CBL: variants seen among roughly 807,000 people sequenced by gnomAD.
The protein encoded by CBL is E3 ubiquitin-protein ligase CBL.
CBL carries 45 observed loss-of-function variants against 96.9 expected under a neutral mutation model. The ratio of observed to expected loss-of-function variants is 0.46; its 90% CI spans 0.37 to 0.60. CBL has a LOEUF of 0.60. Among genes scored for constraint, CBL ranks in the 20% least tolerant of loss-of-function variants. The pLI, the probability that CBL is intolerant of heterozygous loss-of-function variation, is 0.00. For synonymous variants in CBL, 420 were observed against 426.8 expected, an observed-to-expected ratio of 0.98 and a Z score of 0.20; for missense variants, 1,024 against 1,143.5, an observed-to-expected ratio of 0.90 and a Z score of 1.51.
intron 6 of CBL, among the ~76,000 whole-genome samples, chr11:119,277,270 C>T (rs867299195): frequency 4.6e-5 from 7 of 151,578 alleles, no homozygotes; most frequent in Non-Finnish European, 1.0e-4. Flanking sequence ...CACACACACA[C>T]ATAAAGAATT....
Position 119,287,936 on chromosome 11 carries a change from C to A in CBL, c.2026C>A (p.Leu676Met), listed in dbSNP as rs2135312969. 6.2e-7 allele frequency: 1 copy of A among 1,611,128 alleles called. No homozygotes were observed. The highest frequency in any genetic ancestry group is 8.5e-7 in the Non-Finnish European group (1 of 1,177,194). Residue 676 changes from leucine (L) to methionine (M), a missense_variant, in exon 12 of 16, where the codon CTG (leucine) becomes ATG (methionine). Around this residue, in one of 4 missense-constraint regions of CBL, gnomAD observed 695 missense variants for 661.6 expected, o/e 1.05. Coordinates refer to ENST00000264033, the MANE Select transcript of CBL (RefSeq NM_005188.4). ...PSSSANAIYS[L>M]AARPLPVPKL... is the part of the protein sequence containing the mutation. ...CTCATCTGCCAATGCCATTTATTCT[C>A]TGGCTGCCAGGTAAGTCTGCTAAAG...
chr11:119,264,458 T>C (rs1246131818), intron 2 of CBL, among the ~76,000 whole-genome samples: 1 of 133,700 alleles, frequency 7.5e-6, no homozygotes. Context: ...TTCTCTTCTC[T>C]TCTCTTTTCT....
At chr11:119,218,281 G>A (rs1188930572) in intron 1 of CBL, among the ~76,000 whole-genome samples, 1 of 152,100 alleles carries the variant, frequency 6.6e-6, no homozygotes. Flanking sequence ...TAGAGTCACT[G>A]GGGCTCATGA....
intron 9 of CBL, among the ~76,000 whole-genome samples, chr11:119,279,490 C>T (rs1026163495): frequency 4.6e-4 from 57 of 123,390 alleles, no homozygotes; most frequent in Admixed American, 4.3e-4. Flanking sequence ...CATGCCCCCC[C>T]CTAAAAAAAA....
At chr11:119,218,552 C>T (rs1949381635) in intron 1 of CBL, among the ~76,000 whole-genome samples, 3 of 152,232 alleles carry the variant, frequency 2.0e-5, no homozygotes, top group South Asian at 2.1e-4. Flanking sequence ...TTCTGAGTAA[C>T]GAGGTGAAAT....
chr11:119,247,595 G>T (rs1203670992), intron 2 of CBL, among the ~76,000 whole-genome samples: 2 of 152,214 alleles, frequency 1.3e-5, no homozygotes, highest in African/African-American at 4.8e-5. Context: ...CGGATTGCTT[G>T]AGGTCAAGAG....
Position 119,306,540 on chromosome 11 carries a change from C to G in CBL, c.*6759C>G, listed in dbSNP as rs765250413. ...ATGCTGAGCCCTGAAGCAGGGTGTC[C>G]TGGGTGCCTGTGTGTCAGCTCCCTC... On this transcript the variant is annotated 3_prime_UTR_variant, in exon 16 of 16. Coordinates refer to ENST00000264033, the MANE Select transcript of CBL (RefSeq NM_005188.4). 5 of 395,914 alleles carry G rather than the reference C, an allele frequency of 1.3e-5. No individual in the cohort carries two copies. Among genetic ancestry groups the G allele is most frequent in the African/African-American group, 1.0e-4 (5 of 48,574 alleles). The allele number at this position is 395,914 out of a possible 1,614,324, so 24.5% of individuals were successfully genotyped here. A position where few individuals can be genotyped will look rare whatever the true frequency, so the allele number is the denominator to read the frequency against.
In CBL at chr11:119,206,491, T is replaced by A; in HGVS notation, c.74T>A (p.Leu25Gln). The A allele has an allele frequency of 6.4e-7, 1 of 1,571,232 alleles. No homozygotes were observed. Among genetic ancestry groups the A allele is most frequent in the Non-Finnish European group, 8.6e-7 (1 of 1,160,842 alleles). Residue 25 changes from leucine to glutamine, a missense_variant, in exon 1 of 16, where the codon CTG (leucine) becomes CAG (glutamine). Physicochemically the swap from Leu to Gln is moderately radical, Grantham distance 113 (BLOSUM62 -2). This residue lies in a region of CBL where 114 missense variants were observed against 117.4 expected (regional missense o/e 0.97). Transcript: ENST00000264033. Reference protein sequence around the residue: ...SGSGGSGSGGLIGLMKDAFQP... With the variant: ...SGSGGSGSGGQIGLMKDAFQP... The stretch of plus-strand genomic sequence containing the variant: ...TCCGGGGGCTCGGGTTCGGGTGGCC[T>A]GATTGGGCTCATGAAGGACGCCTTC...
intron 2 of CBL, among the ~76,000 whole-genome samples, chr11:119,257,025 G>A (rs1949717214): frequency 6.6e-6 from 1 of 152,204 alleles, no homozygotes; most frequent in Non-Finnish European, 1.5e-5. Flanking sequence ...ATTGTGCTGT[G>A]ATTAACATAT....
chr11:119,272,733 A>G (rs765048653), intron 3 of CBL, among the ~76,000 whole-genome samples: 1 of 152,248 alleles, frequency 6.6e-6, no homozygotes, highest in Non-Finnish European at 1.5e-5. Flanking sequence ...TGACCAGTCA[A>G]GATTCTTATT....
intron 2 of CBL, among the ~76,000 whole-genome samples, chr11:119,262,845 G>A (rs904839773): frequency 6.6e-6 from 1 of 152,188 alleles, no homozygotes; most frequent in African/African-American, 2.4e-5. Context: ...AGGAGGCAGT[G>A]TTTGAGAACT....
chr11:119,232,724 ATG>A, intron 2 of CBL, 29 bp downstream of exon 2: 2 of 1,608,222 alleles, frequency 1.2e-6, no homozygotes, highest in Non-Finnish European at 1.7e-6. Flanking sequence ...ACAAATAATT[ATG>A]CAGGTCTGTG....
In CBL at chr11:119,307,086, A is replaced by G. The variant is rs1441029952; in HGVS notation, c.*7305A>G. Reference sequence around the variant, plus strand: ...GTCCTTAGTGTCTAGGAGACAGGAAAGAATGCTCTCTGTGACTGGAGAGGT... The same window carrying G: ...GTCCTTAGTGTCTAGGAGACAGGAAGGAATGCTCTCTGTGACTGGAGAGGT... On this transcript the variant is annotated 3_prime_UTR_variant, in exon 16 of 16. Transcript: ENST00000264033. 1 of 231,034 alleles carries G rather than the reference A, an allele frequency of 4.3e-6. No individual in the cohort carries two copies. Among genetic ancestry groups the G allele is most frequent in the African/African-American group, 2.2e-5 (1 of 45,204 alleles). The allele number at this position is 231,034 out of a possible 1,614,324, so 14.3% of individuals were successfully genotyped here.
chr11:119,224,494 A>C (rs1949439725), intron 1 of CBL, among the ~76,000 whole-genome samples: 1 of 152,192 alleles, frequency 6.6e-6, no homozygotes, highest in Admixed American at 6.5e-5. Context: ...CTTACTGATA[A>C]CATAAAACAG....
At position 119,297,465 on chromosome 11, in the gene CBL, C is replaced by T. The variant is rs763880494; in HGVS notation, c.2235C>T (p.Thr745=). ...TTCAGTCCCAGGCGCCATCTATCAC[C>T]GAGAGCAGCACCTTTGGTAAGTTGC... ...YNIQSQAPSI[T]ESSTFGEGNL... Residue 745 remains threonine (T), a synonymous_variant, in exon 14 of 16, where the codon ACC becomes ACT. Transcript: ENST00000264033. 23 of 1,611,482 alleles carry T rather than the reference C, an allele frequency of 1.4e-5. No homozygotes were observed. The East Asian group carries it at 2.7e-4, about 19-fold the overall frequency.
chr11:119,252,885 A>AG (rs1949681179), intron 2 of CBL, among the ~76,000 whole-genome samples: 1 of 135,998 alleles, frequency 7.4e-6, no homozygotes, highest in Non-Finnish European at 1.6e-5. Flanking sequence ...CCATCTCAAG[A>AG]AAAAAAAAAA....
In CBL at chr11:119,304,478, G is replaced by A. The variant is rs1950121453; in HGVS notation, c.*4697G>A. ...GTGCCTTTGGTTCTTGGGTGGAGCT[G>A]GAACTGCAGAGCTTTGCACCTAGTC... On this transcript the variant is annotated 3_prime_UTR_variant, in exon 16 of 16. Coordinates refer to ENST00000264033, the MANE Select transcript of CBL (RefSeq NM_005188.4). 2 of 233,152 alleles carry A rather than the reference G, an allele frequency of 8.6e-6. No individual in the cohort carries two copies. Among genetic ancestry groups the A allele is most frequent in the Non-Finnish European group, 1.7e-5 (2 of 118,022 alleles). The allele number at this position is 233,152 out of a possible 1,614,324, so 14.4% of individuals were successfully genotyped here.
intron 2 of CBL, among the ~76,000 whole-genome samples, chr11:119,247,178 A>G (rs1949637544): frequency 6.6e-6 from 1 of 152,204 alleles, no homozygotes; most frequent in South Asian, 2.1e-4. Context: ...TCATTCTTTC[A>G]AGTAAAAATG....
chr11:119,266,064 A>AT (rs1051624649), intron 2 of CBL, among the ~76,000 whole-genome samples: 4 of 151,048 alleles, frequency 2.6e-5, no homozygotes, highest in African/African-American at 4.9e-5. Context: ...TTAGCCAGGC[A>AT]TAGTGGCCTC....
Sources: gnomAD v4.1 joint callset for allele counts (sites outside exome capture counted in the v4.1 genomes callset) on GRCh38, gnomAD v4.1.1 for gene constraint, gnomAD v4.1.1 regional missense constraint, MANE v1.5 for transcripts, NCBI Gene and HGNC (gene_info 2026-07-23, HGNC 2026-07-21) for gene names.